ABCC1: variants seen among roughly 807,000 people sequenced by gnomAD.
The protein encoded by ABCC1 is multidrug resistance-associated protein 1.
ABCC1 carries 83 observed loss-of-function variants against 172.9 expected under a neutral mutation model. The observed-to-expected ratio is 0.48, with a 90% CI of 0.40 to 0.58. The LOEUF is 0.58. Among genes scored for constraint, ABCC1 ranks in the 20% least tolerant of loss-of-function variants. The probability of loss-of-function intolerance (pLI) is 0.00; values close to 1 mark genes in which losing one functional copy is unlikely to be tolerated. For missense variants in ABCC1, 1,817 were observed against 2,002.7 expected, an observed-to-expected ratio of 0.91 and a Z score of 1.77; for synonymous variants, 937 against 825.2, an observed-to-expected ratio of 1.14 and a Z score of -2.32.
chr16:16,102,814 T>C, intron 20 of ABCC1, 97 bp downstream of exon 20: 2 of 1,174,964 alleles, frequency 1.7e-6, no homozygotes, highest in South Asian at 1.4e-5. Context: ...CCTGAGGTCC[T>C]GGAAGGCCTG....
At chr16:16,039,912 T>G (rs1025636311) in intron 7 of ABCC1, among the ~76,000 whole-genome samples, 1 of 150,988 alleles carries the variant, frequency 6.6e-6, no homozygotes, top group Non-Finnish European at 1.5e-5. Context: ...GGAAAGTGAG[T>G]GAGGGGGAGA....
intron 19 of ABCC1, among the ~76,000 whole-genome samples, chr16:16,092,453 T>C (rs2051293073): frequency 6.6e-6 from 1 of 152,334 alleles, no homozygotes; most frequent in South Asian, 2.1e-4. Context: ...TTGCTTATTC[T>C]GGACATTTCA....
chr16:16,120,984 A>T (rs74009605), intron 23 of ABCC1, among the ~76,000 whole-genome samples: 3,964 of 152,290 alleles, frequency 0.026, 172 homozygotes, highest in African/African-American at 0.09. Context: ...AGGTCAAACT[A>T]TATGAAACTG....
At chr16:16,000,274 G>A (rs1012338336) in intron 1 of ABCC1, among the ~76,000 whole-genome samples, 23 of 151,680 alleles carry the variant, frequency 1.5e-4, no homozygotes, top group Non-Finnish European at 2.8e-4. Flanking sequence ...AGCCCACTGA[G>A]TAGCTGGGAT....
intron 24 of ABCC1, 51 bp downstream of exon 24, chr16:16,122,225 T>A: frequency 6.3e-7 from 1 of 1,591,094 alleles, no homozygotes; most frequent in Non-Finnish European, 8.6e-7. Flanking sequence ...CCTTAGCACC[T>A]TGTCTCTTTG....
chr16:16,029,310 C>T (rs1015537050), intron 5 of ABCC1, among the ~76,000 whole-genome samples: 1 of 152,312 alleles, frequency 6.6e-6, no homozygotes, highest in Admixed American at 6.5e-5. Context: ...GCAACCTCTG[C>T]CTCCCGGGTT....
At chr16:16,076,271 T>C (rs943690665) in intron 14 of ABCC1, 55 bp from the exon 15 acceptor site, 7 of 1,542,762 alleles carry the variant, frequency 4.5e-6, no homozygotes, top group Admixed American at 1.7e-5. Context: ...GAGTGTTCTG[T>C]GCATGTGGAG....
chr16:16,127,218 C>T (rs1284552181), intron 26 of ABCC1, among the ~76,000 whole-genome samples: 1 of 152,144 alleles, frequency 6.6e-6, no homozygotes, highest in Non-Finnish European at 1.5e-5. Flanking sequence ...TCAGTCTTTA[C>T]CCCGCTCTAT....
intron 1 of ABCC1, among the ~76,000 whole-genome samples, chr16:15,981,106 C>CTA (rs2046610323): frequency 6.6e-6 from 1 of 152,240 alleles, no homozygotes; most frequent in Non-Finnish European, 1.5e-5. Flanking sequence ...TGGGCTCTAG[C>CTA]TATGGCCTTG....
intron 1 of ABCC1, among the ~76,000 whole-genome samples, chr16:16,003,201 A>G (rs1291327698): frequency 6.7e-6 from 1 of 150,266 alleles, no homozygotes. Flanking sequence ...GGTAGGGTGG[A>G]TGGATGAATT....
At position 15,982,803 on chromosome 16, in the gene ABCC1, C is replaced by CAAAAAAAAAAAAAAAAAAAA. The variant is rs148834444; in HGVS notation, c.49-25011_49-24992dup. Among the ~76,000 whole-genome samples the CAAAAAAAAAAAAAAAAAAAA allele has an allele frequency of 2.1e-4, 9 of 43,218 alleles. 2 individuals are homozygous for CAAAAAAAAAAAAAAAAAAAA. The East Asian group carries it at 2.2e-3, about 11-fold the overall frequency. 28.4% of individuals were successfully genotyped at this position (43,218 alleles called of 152,430 possible). ...TCTGGGCAACAGAGTGAGACGCTGTCAAAAAAAAAAAAAAAAAAAAAGGAA... is the reference window on the plus strand; with the variant it reads ...TCTGGGCAACAGAGTGAGACGCTGTCAAAAAAAAAAAAAAAAAAAAAAAAAAAAAAAAAAAAAAAAAGGAA... On this transcript the variant is annotated intron_variant, in intron 1 of 30. Transcript: ENST00000399410.
At chr16:15,974,704 A>T (rs1378808245) in intron 1 of ABCC1, among the ~76,000 whole-genome samples, 1 of 152,216 alleles carries the variant, frequency 6.6e-6, no homozygotes, top group African/African-American at 2.4e-5. Flanking sequence ...TAATCGAGAG[A>T]CACAGACAAA....
intron 29 of ABCC1, 48 bp from the exon 30 acceptor site, chr16:16,138,316 G>T (rs745431949): frequency 6.5e-7 from 1 of 1,532,356 alleles, no homozygotes; most frequent in Non-Finnish European, 8.9e-7. Flanking sequence ...TCAGGGTCAG[G>T]GGTGGTTTGA....
chr16:16,015,531 A>G (rs1330665409), intron 4 of ABCC1, among the ~76,000 whole-genome samples: 1 of 152,214 alleles, frequency 6.6e-6, no homozygotes, highest in African/African-American at 2.4e-5. Context: ...GAAGCTGAAC[A>G]TTTGACTATT....
chr16:16,122,062 C>T lies in ABCC1; in HGVS notation c.3478C>T (p.Leu1160=). Residue 1160 remains leucine, a synonymous_variant, in exon 24 of 31, where the codon CTG becomes TTG. Transcript: ENST00000399410. The part of the protein sequence containing the change: ...PVYSHFNETL[L]GVSVIRAFEE... ...CTATTCCCATTTCAACGAGACCTTG[C>T]TGGGGGTCAGCGTCATTCGAGCCTT... is the stretch of plus-strand genomic sequence containing the variant. The T allele has an allele frequency of 1.2e-6, 2 of 1,614,188 alleles. No homozygotes were observed. Among genetic ancestry groups the T allele is most frequent in the South Asian group, 1.1e-5 (1 of 91,084 alleles).
intron 12 of ABCC1, among the ~76,000 whole-genome samples, chr16:16,061,014 A>C (rs1197193891): frequency 6.6e-6 from 1 of 151,596 alleles, no homozygotes; most frequent in Non-Finnish European, 1.5e-5. Context: ...ACGGGGTTTC[A>C]CCAGGGTTCA....
In ABCC1 at chr16:16,049,714, G is replaced by A. The variant is rs143061341; in HGVS notation, c.1380+1411G>A. Among the ~76,000 whole-genome samples, 221 of 152,024 alleles carry A rather than the reference G, an allele frequency of 1.5e-3. 1 individual carries two copies. Among genetic ancestry groups the A allele is most frequent in the African/African-American group, 5.0e-3 (207 of 41,498 alleles). On this transcript the variant is annotated intron_variant, in intron 10 of 30. Transcript: ENST00000399410. The stretch of plus-strand genomic sequence containing the variant: ...TTTGTTTTTGTTTTGACATGGAGTC[G>A]CGCTCTGTTGCCCAGGCTGGAGTGT...
At chr16:16,065,934 GT>G (rs929581966) in intron 12 of ABCC1, among the ~76,000 whole-genome samples, 1 of 151,856 alleles carries the variant, frequency 6.6e-6, no homozygotes, top group East Asian at 1.9e-4. Context: ...CAATTCAGTG[GT>G]TTTTTTGTGT....
chr16:16,009,974 G>A, intron 3 of ABCC1, 73 bp downstream of exon 3: 1 of 1,131,620 alleles, frequency 8.8e-7, no homozygotes, highest in Non-Finnish European at 1.1e-6. Context: ...TAACTCGTAA[G>A]ACTAGAATCA....
Sources: gnomAD v4.1 joint callset for allele counts (sites outside exome capture counted in the v4.1 genomes callset) on GRCh38, gnomAD v4.1.1 for gene constraint, MANE v1.5 for transcripts, NCBI Gene and HGNC (gene_info 2026-07-23, HGNC 2026-07-21) for gene names.